The following SP100 variants were observed in gnomAD, a reference collection of about 807,000 sequenced individuals.
SP100 encodes SP100 nuclear body protein, also known as nuclear autoantigen Sp-100.
In SP100, 84 loss-of-function variants were observed where a neutral mutation model predicts 130.0. The ratio of observed to expected loss-of-function variants is 0.65; its 90% CI spans 0.54 to 0.77. The LOEUF is 0.77. Ranked by LOEUF, SP100 falls within the 30% of genes least tolerant of loss-of-function variation. The pLI, the probability that SP100 is intolerant of heterozygous loss-of-function variation, is 0.00. For synonymous variants in SP100, 331 were observed against 351.7 expected, an observed-to-expected ratio of 0.94 and a Z score of 0.66; for missense variants, 978 against 1,052.2, an observed-to-expected ratio of 0.93 and a Z score of 0.97.
chr2:230,450,448 A>G (rs1575629204), intron 8 of SP100, among the ~76,000 whole-genome samples, 193 bp downstream of exon 8: 1 of 152,222 alleles, frequency 6.6e-6, no homozygotes, highest in South Asian at 2.1e-4. Flanking sequence ...ATTAGAGCTA[A>G]TTAGCATAAA....
chr2:230,463,716 G>A (rs1219032760), intron 10 of SP100: 3 of 173,184 alleles, frequency 1.7e-5, no homozygotes, highest in African/African-American at 7.2e-5. Flanking sequence ...GGGTTGGTGG[G>A]AGGTAGAAAA....
chr2:230,519,498 T>C (rs558081470), intron 24 of SP100, among the ~76,000 whole-genome samples: 4 of 152,254 alleles, frequency 2.6e-5, no homozygotes, highest in South Asian at 4.1e-4. Context: ...AATGTGTGTA[T>C]TGTGACATTC....
rs189153597 is a variant in SP100, at chr2:230,492,106, C to T, written c.1601-2310C>T. Among the ~76,000 whole-genome samples the T allele has an allele frequency of 1.4e-4, 21 of 152,190 alleles. No homozygotes were observed. In the East Asian group the frequency reaches 3.1e-3, roughly 22 times the overall value. ...AGATTTATAAAATCAGCCTGTGTGC[C>T]ATTCCATTGTCCAGTCTTTTTCCTC... On this transcript the variant is annotated intron_variant, in intron 17 of 28. Coordinates refer to ENST00000340126, the MANE Select transcript of SP100 (RefSeq NM_001080391.2).
At chr2:230,466,208 G>A in intron 11 of SP100, 93 bp from the exon 12 acceptor site, 1 of 251,576 alleles carries the variant, frequency 4.0e-6, no homozygotes, top group Non-Finnish European at 7.3e-6. Flanking sequence ...AAAAAACTTT[G>A]TTATTAACCC....
At chr2:230,476,889 G>C (rs191668916) in intron 17 of SP100, among the ~76,000 whole-genome samples, 1 of 151,918 alleles carries the variant, frequency 6.6e-6, no homozygotes, top group African/African-American at 2.4e-5. Flanking sequence ...TATTTTTGAC[G>C]GAGTCTTGCA....
intron 17 of SP100, among the ~76,000 whole-genome samples, chr2:230,490,829 C>T (rs2066352821): frequency 1.3e-5 from 2 of 152,118 alleles, no homozygotes; most frequent in African/African-American, 4.8e-5. Context: ...TCTCTTCTGG[C>T]TTGTAGAGTT....
chr2:230,502,808 T>C (rs1280012288), intron 19 of SP100, among the ~76,000 whole-genome samples: 1 of 152,198 alleles, frequency 6.6e-6, no homozygotes, highest in Non-Finnish European at 1.5e-5. Flanking sequence ...AATAAAGTTT[T>C]ACTGGAACAC....
At chr2:230,524,356 C>CAAAAAAAAAAAA (rs34536949) in intron 24 of SP100, among the ~76,000 whole-genome samples, 1 of 94,882 alleles carries the variant, frequency 1.1e-5, no homozygotes, top group African/African-American at 4.4e-5. Flanking sequence ...GATTCCATCT[C>CAAAAAAAAAAAA]AAAAAAAAAA....
chr2:230,512,276 CTTTTTTTTTTTTTTTTTTT>C (rs34753799), intron 24 of SP100, among the ~76,000 whole-genome samples: 1 of 76,068 alleles, frequency 1.3e-5, no homozygotes, highest in East Asian at 4.2e-4. Flanking sequence ...ATTGAAATGC[CTTTTTTTTTTTTTTTTTTT>C]TTTTTTTTTT....
intron 23 of SP100, 45 bp downstream of exon 23, chr2:230,508,076 G>T (rs1297077003): frequency 1.9e-6 from 3 of 1,608,290 alleles, no homozygotes; most frequent in Non-Finnish European, 2.5e-6. Flanking sequence ...CTATTATGTT[G>T]TTGATTTTCT....
At chr2:230,521,433 A>C (rs553977214) in intron 24 of SP100, among the ~76,000 whole-genome samples, 2 of 152,146 alleles carry the variant, frequency 1.3e-5, no homozygotes, top group Non-Finnish European at 2.9e-5. Context: ...CTAACTGACT[A>C]TCTGCTTCTT....
chr2:230,425,305 C>G (rs1431493930), intron 2 of SP100, among the ~76,000 whole-genome samples: 1 of 151,918 alleles, frequency 6.6e-6, no homozygotes, highest in Non-Finnish European at 1.5e-5. Context: ...CCCATTCCTC[C>G]GACTTCCAAG....
At chr2:230,441,963 C>T (rs1415043560) in intron 2 of SP100, among the ~76,000 whole-genome samples, 1 of 152,172 alleles carries the variant, frequency 6.6e-6, no homozygotes, top group Non-Finnish European at 1.5e-5. Flanking sequence ...CTCTTATCTG[C>T]TCATTGTCCT....
At chr2:230,531,030 A>C (rs1691674932) in intron 24 of SP100, among the ~76,000 whole-genome samples, 1 of 152,218 alleles carries the variant, frequency 6.6e-6, no homozygotes, top group African/African-American at 2.4e-5. Flanking sequence ...AAGGATCTAG[A>C]GCTAGAAATA....
chr2:230,532,538 A>AT (rs939730300), intron 24 of SP100, among the ~76,000 whole-genome samples: 3 of 146,294 alleles, frequency 2.1e-5, no homozygotes, highest in South Asian at 4.2e-4. Context: ...AGTAGTAATA[A>AT]AAAAAAAAAA....
intron 8 of SP100, among the ~76,000 whole-genome samples, chr2:230,452,997 G>A (rs1415751761): frequency 2.0e-5 from 3 of 151,964 alleles, no homozygotes; most frequent in Middle Eastern, 3.2e-3. Context: ...AAGTGAGAAT[G>A]GGCAATCTGT....
intron 2 of SP100, among the ~76,000 whole-genome samples, chr2:230,424,394 C>T (rs1379572835): frequency 3.3e-5 from 5 of 152,084 alleles, no homozygotes; most frequent in African/African-American, 7.2e-5. Context: ...TGGCTGGGTG[C>T]GGTGGCTCAG....
chr2:230,417,605 G>A lies in SP100; in HGVS notation c.47G>A (p.Cys16Tyr), dbSNP rs2062643418. 1.9e-6 allele frequency: 3 copies of A among 1,612,898 alleles called. No homozygotes were observed. The African/African-American group carries it at 4.0e-5, about 21-fold the overall frequency. The change falls in exon 2 of 29, where the codon TGT becomes TAT. Residue 16 changes from cysteine to tyrosine, a missense_variant. Transcript: ENST00000340126. ...GDLSTRRLNECISPVANEMNH... is the reference protein window; with the variant it reads ...GDLSTRRLNEYISPVANEMNH... ...TGTCTTTCTAGGAGGCTGAATGAAT[G>A]TATTTCACCAGTAGCAAATGAGATG...
At chr2:230,455,053 CTTTT>C (rs2064200730) in intron 8 of SP100, among the ~76,000 whole-genome samples, 1 of 151,858 alleles carries the variant, frequency 6.6e-6, no homozygotes, top group South Asian at 2.1e-4. Flanking sequence ...TTCTTTCTTT[CTTTT>C]TGTTTCTTTT....
Sources: allele counts gnomAD v4.1 joint callset (sites outside exome capture counted in the v4.1 genomes callset), GRCh38; gene constraint gnomAD v4.1.1; transcripts MANE v1.5; gene names NCBI Gene and HGNC (gene_info 2026-07-23, HGNC 2026-07-21).